The following NF2 variants were observed in gnomAD, a reference collection of about 807,000 sequenced individuals.
NF2 encodes the protein merlin.
A neutral mutation model predicts 83.7 loss-of-function variants in NF2; 8 were observed. The observed-to-expected ratio is 0.10, with a 90% CI of 0.06 to 0.17. NF2 has a LOEUF of 0.17. Among genes scored for constraint, NF2 ranks in the 10% least tolerant of loss-of-function variants. The pLI, the probability that NF2 is intolerant of heterozygous loss-of-function variation, is 1.00. For missense variants in NF2, 533 were observed against 744.4 expected, an observed-to-expected ratio of 0.72 and a Z score of 3.31; for synonymous variants, 266 against 269.6, an observed-to-expected ratio of 0.99 and a Z score of 0.13.
At chr22:29,651,559 T>A (rs898485334) in intron 4 of NF2, among the ~76,000 whole-genome samples, 4 of 152,208 alleles carry the variant, frequency 2.6e-5, no homozygotes, top group Admixed American at 6.5e-5. Context: ...TGGAGTGGTA[T>A]GACTTTCTTT....
At chr22:29,643,972 A>G (rs546764446) in intron 4 of NF2, among the ~76,000 whole-genome samples, 249 of 121,014 alleles carry the variant, frequency 2.1e-3, no homozygotes, top group African/African-American at 7.7e-3. Context: ...CGGGGGGCTG[A>G]CCCCCCCACC....
intron 1 of NF2, among the ~76,000 whole-genome samples, chr22:29,614,442 C>T (rs752015635): frequency 1.2e-4 from 18 of 151,934 alleles, no homozygotes; most frequent in Non-Finnish European, 1.6e-4. Context: ...ATTAGCTGGG[C>T]GTGGTGGCGG....
intron 10 of NF2, among the ~76,000 whole-genome samples, chr22:29,670,769 A>G (rs755595320): frequency 6.6e-6 from 1 of 152,118 alleles, no homozygotes; most frequent in Non-Finnish European, 1.5e-5. Context: ...ATGTGGCCCA[A>G]TTAATGCAGT....
rs139899247 is a variant in NF2 at position 29,673,515 on chromosome 22, G to A, written c.1340+29G>A. On this transcript the variant is annotated intron_variant, in intron 12 of 15. Transcript: ENST00000338641. ...AGGGGGCACCGGGCACCAGACTGGC[G>A]AGGAGGCTGGCGAAGGGCCGCAGAC... The A allele has an allele frequency of 3.0e-4, 477 of 1,589,498 alleles. 1 individual carries two copies. In the African/African-American group the frequency reaches 5.6e-3, roughly 19 times the overall value.
chr22:29,639,321 A>G lies in NF2; in HGVS notation c.363+109A>G, dbSNP rs191030365. Reference sequence around the variant, plus strand: ...CACCTTTGTATTGCAAAAATATTCTACCTCTGGAAGGTCAGCCCCTTTGGT... The same window carrying G: ...CACCTTTGTATTGCAAAAATATTCTGCCTCTGGAAGGTCAGCCCCTTTGGT... On this transcript the variant is annotated intron_variant, in intron 3 of 15. Coordinates refer to ENST00000338641, the MANE Select transcript of NF2 (RefSeq NM_000268.4). 2,919 of 1,376,910 alleles carry G rather than the reference A, an allele frequency of 2.1e-3. 4 individuals carry two copies. The highest frequency in any genetic ancestry group is 2.7e-3 in the Non-Finnish European group (2,678 of 974,040). 85.3% of individuals were successfully genotyped at this position (1,376,910 alleles called of 1,614,324 possible).
chr22:29,677,257 C>T (rs969118698), intron 13 of NF2, among the ~76,000 whole-genome samples: 2 of 152,018 alleles, frequency 1.3e-5, no homozygotes, highest in African/African-American at 4.8e-5. Context: ...AAAAGGGTTG[C>T]CGGCTGGCTG....
intron 1 of NF2, among the ~76,000 whole-genome samples, chr22:29,608,246 A>G (rs937830730): frequency 6.6e-6 from 1 of 151,302 alleles, no homozygotes; most frequent in African/African-American, 2.4e-5. Context: ...GGACTCAATA[A>G]CAGATTTGAA....
At chr22:29,609,244 A>G in intron 1 of NF2, 1 of 725,538 alleles carries the variant, frequency 1.4e-6, no homozygotes, top group Non-Finnish European at 2.6e-6. Flanking sequence ...TGGTTATGAC[A>G]GTGGAACCAG....
At chr22:29,651,507 C>T (rs1166337831) in intron 4 of NF2, among the ~76,000 whole-genome samples, 1 of 152,222 alleles carries the variant, frequency 6.6e-6, no homozygotes, top group African/African-American at 2.4e-5. Flanking sequence ...TATCAGAATG[C>T]ATCTGTTACA....
intron 1 of NF2, among the ~76,000 whole-genome samples, chr22:29,631,414 G>GCACTTA (rs1263932826): frequency 1.3e-5 from 2 of 152,164 alleles, no homozygotes; most frequent in African/African-American, 4.8e-5. Context: ...TGTTCTGTTA[G>GCACTTA]CACTTACCAG....
intron 4 of NF2, among the ~76,000 whole-genome samples, chr22:29,654,029 T>TC (rs1386521987): frequency 2.0e-5 from 3 of 152,098 alleles, no homozygotes; most frequent in Non-Finnish European, 4.4e-5. Context: ...CAAGTCATTG[T>TC]CCCCGGAGGG....
chr22:29,663,507 T>C (rs2066533365), intron 8 of NF2, among the ~76,000 whole-genome samples: 1 of 152,262 alleles, frequency 6.6e-6, no homozygotes, highest in Non-Finnish European at 1.5e-5. Flanking sequence ...AAATGATCCA[T>C]TGATTCTTTG....
chr22:29,639,502 C>G (rs2065742282), intron 3 of NF2, among the ~76,000 whole-genome samples: 1 of 152,124 alleles, frequency 6.6e-6, no homozygotes, highest in Admixed American at 6.5e-5. Context: ...TTCTAGCTAA[C>G]TTAAAAGTAC....
intron 4 of NF2, 24 bp downstream of exon 4, chr22:29,642,309 A>G: frequency 1.2e-6 from 2 of 1,603,058 alleles, no homozygotes; most frequent in Non-Finnish European, 1.7e-6. Context: ...AGAAAAATGT[A>G]TTTTTCCTGG....
intron 4 of NF2, among the ~76,000 whole-genome samples, chr22:29,643,098 C>T (rs570547837): frequency 6.6e-6 from 1 of 152,106 alleles, no homozygotes; most frequent in African/African-American, 2.4e-5. Flanking sequence ...GATGTTGTCC[C>T]CAGAATTGGG....
intron 4 of NF2, among the ~76,000 whole-genome samples, chr22:29,643,919 G>C (rs990463184): frequency 1.3e-5 from 2 of 151,220 alleles, no homozygotes; most frequent in Non-Finnish European, 3.0e-5. Context: ...CGGGCGGGGG[G>C]CTGACCCCCC....
In NF2 at chr22:29,694,197, C is replaced by T. The variant is rs1275467974; in HGVS notation, c.1738-555C>T. Among the ~76,000 whole-genome samples the T allele has an allele frequency of 2.6e-5, 4 of 152,226 alleles. No individual in the cohort carries two copies. Among genetic ancestry groups the T allele is most frequent in the Non-Finnish European group, 5.9e-5 (4 of 68,050 alleles). ...GAGAGAAACACCTTCTCAGCTGCCA[C>T]GTCATGAGCAAGTTTGCTTCGGGAC... On this transcript the variant is annotated intron_variant, in intron 15 of 15. Coordinates refer to ENST00000338641, the MANE Select transcript of NF2 (RefSeq NM_000268.4). The surrounding 1 kb of genome is among the most constrained non-coding windows in gnomAD (Gnocchi z 4.1).
intron 3 of NF2, among the ~76,000 whole-genome samples, chr22:29,639,651 G>A (rs1283138534): frequency 3.3e-5 from 5 of 152,040 alleles, no homozygotes; most frequent in East Asian, 1.9e-4. Flanking sequence ...TTAGGAGGCC[G>A]AGGCGGGCAG....
intron 8 of NF2, among the ~76,000 whole-genome samples, chr22:29,662,102 T>C (rs2066495403): frequency 6.6e-6 from 1 of 152,214 alleles, no homozygotes; most frequent in African/African-American, 2.4e-5. Context: ...CATTCACTCA[T>C]CCATTCATTC....
Sources: gnomAD v4.1 joint callset for allele counts (sites outside exome capture counted in the v4.1 genomes callset) on GRCh38, gnomAD v4.1.1 for gene constraint, Gnocchi (gnomAD v3.1) non-coding constraint, MANE v1.5 for transcripts, NCBI Gene and HGNC (gene_info 2026-07-23, HGNC 2026-07-21) for gene names.